Variants in SUGCT observed in about 807,000 individuals in gnomAD.
The protein encoded by SUGCT is succinyl-CoA:glutarate-CoA transferase.
SUGCT carries 41 observed loss-of-function variants against 55.0 expected under a neutral mutation model. The observed-to-expected ratio is 0.74, with a 90% confidence interval of 0.58 to 0.97. SUGCT has a LOEUF of 0.97. Ranked by LOEUF, SUGCT falls within the 50% of genes least tolerant of loss-of-function variation. SUGCT has a pLI of 0.00. For synonymous variants in SUGCT, 187 were observed against 200.4 expected (o/e 0.93, Z 0.56); for missense variants, 568 against 547.8 (o/e 1.04, Z -0.37).
the SUGCT span, among the ~76,000 whole-genome samples, chr7:40,986,861 C>G: frequency 6.6e-6 from 1 of 152,166 alleles, no homozygotes; most frequent in Admixed American, 6.5e-5. Flanking sequence ...TCTGCTAAGT[C>G]AGGATCCTCC....
chr7:40,357,360 T>C (rs1797926984), intron 9 of SUGCT, among the ~76,000 whole-genome samples: 1 of 152,228 alleles, frequency 6.6e-6, no homozygotes, highest in Admixed American at 6.5e-5. Flanking sequence ...TGCCAACATC[T>C]AGCATGATGA....
chr7:41,004,931 G>A, the SUGCT span, among the ~76,000 whole-genome samples: 1 of 152,150 alleles, frequency 6.6e-6, no homozygotes, highest in Non-Finnish European at 1.5e-5. Context: ...TATGTTTATT[G>A]TGACATCGGT....
intron 12 of SUGCT, chr7:40,498,986 AG>A (rs1562819631): frequency 4.7e-6 from 2 of 422,014 alleles, no homozygotes; most frequent in Non-Finnish European, 9.6e-6. Flanking sequence ...TTTCCGTAAA[AG>A]TTTTTTCTAA....
At chr7:40,212,154 G>A (rs536299660) in intron 6 of SUGCT, among the ~76,000 whole-genome samples, 3 of 151,528 alleles carry the variant, frequency 2.0e-5, no homozygotes, top group Non-Finnish European at 2.9e-5. Context: ...GCATGATCGC[G>A]GCTCACTGCA....
chr7:40,742,155 G>A (rs1293033888), intron 12 of SUGCT, among the ~76,000 whole-genome samples: 1 of 152,090 alleles, frequency 6.6e-6, no homozygotes, highest in Admixed American at 6.5e-5. Context: ...ATATGTGTTT[G>A]TGTAAATTAT....
intron 12 of SUGCT, among the ~76,000 whole-genome samples, chr7:40,731,002 A>G (rs1230202655): frequency 6.6e-6 from 1 of 152,204 alleles, no homozygotes; most frequent in Non-Finnish European, 1.5e-5. Flanking sequence ...AAGGAATTTA[A>G]CTTGACTGAA....
rs1794463461 is a variant in SUGCT at position 40,860,720 on chromosome 7, G to T, written c.*241G>T. ...CAGATGATGATTTCATTATGGATTT[G>T]TGGGATTTTTAAAAATAAAGTTTTA... On this transcript the variant is annotated 3_prime_UTR_variant, in exon 14 of 14. Transcript: ENST00000335693. The T allele has an allele frequency of 8.2e-6, 3 of 367,748 alleles. No individual in the cohort carries two copies. Among genetic ancestry groups the T allele is most frequent in the African/African-American group, 2.1e-5 (1 of 47,950 alleles). 22.8% of individuals were successfully genotyped at this position (367,748 alleles called of 1,614,324 possible). A position where few individuals can be genotyped will look rare whatever the true frequency, so the allele number is the denominator to read the frequency against.
At chr7:40,881,366 T>C in the SUGCT span, among the ~76,000 whole-genome samples, 2 of 152,202 alleles carry the variant, frequency 1.3e-5, no homozygotes, top group Non-Finnish European at 2.9e-5. Flanking sequence ...GTTCCATTCA[T>C]TACATGAATA....
intron 6 of SUGCT, among the ~76,000 whole-genome samples, chr7:40,225,639 T>G (rs1359008694): frequency 1.3e-5 from 2 of 152,194 alleles, no homozygotes; most frequent in Non-Finnish European, 1.5e-5. Flanking sequence ...TTTCACCATG[T>G]TGGCCAGGCT....
intron 12 of SUGCT, among the ~76,000 whole-genome samples, chr7:40,557,704 C>T (rs1370027164): frequency 6.7e-6 from 1 of 149,218 alleles, no homozygotes; most frequent in South Asian, 2.1e-4. Context: ...ACCCAGGAGG[C>T]GGAGGTTGCA....
At chr7:40,376,552 C>T (rs377167477) in intron 9 of SUGCT, among the ~76,000 whole-genome samples, 5 of 151,946 alleles carry the variant, frequency 3.3e-5, no homozygotes, top group East Asian at 3.9e-4. Flanking sequence ...CCACCATGCC[C>T]GGCTAATTTT....
At chr7:40,265,916 A>G (rs888100856) in intron 7 of SUGCT, among the ~76,000 whole-genome samples, 8 of 152,088 alleles carry the variant, frequency 5.3e-5, no homozygotes, top group Non-Finnish European at 1.2e-4. Flanking sequence ...ACGCCCCTGC[A>G]CTGCAGCCTG....
intron 9 of SUGCT, among the ~76,000 whole-genome samples, chr7:40,337,964 C>T (rs1405084259): frequency 1.3e-5 from 2 of 152,046 alleles, no homozygotes; most frequent in East Asian, 3.9e-4. Flanking sequence ...AATCTCTCAG[C>T]ATTTGCTTGT....
chr7:40,436,158 G>C (rs1341833836), intron 9 of SUGCT, among the ~76,000 whole-genome samples: 1 of 151,900 alleles, frequency 6.6e-6, no homozygotes, highest in Non-Finnish European at 1.5e-5. Context: ...GGCCAGGCTG[G>C]TCTCAAACTC....
intron 11 of SUGCT, among the ~76,000 whole-genome samples, chr7:40,462,959 T>C (rs542883948): frequency 2.0e-5 from 3 of 152,336 alleles, no homozygotes; most frequent in South Asian, 4.1e-4. Flanking sequence ...TACTCATTTA[T>C]TGTACTTTTT....
chr7:40,297,625 A>G (rs868752667), intron 8 of SUGCT, among the ~76,000 whole-genome samples: 1 of 152,194 alleles, frequency 6.6e-6, no homozygotes, highest in South Asian at 2.1e-4. Flanking sequence ...TTAGCATTAA[A>G]TTGGTGAAAA....
chr7:40,402,672 C>T (rs1186174788), intron 9 of SUGCT, among the ~76,000 whole-genome samples: 2 of 151,822 alleles, frequency 1.3e-5, no homozygotes, highest in Non-Finnish European at 1.5e-5. Flanking sequence ...GAATGGGAAT[C>T]CATGTATGTA....
chr7:40,517,645 T>C (rs907491429), intron 12 of SUGCT, among the ~76,000 whole-genome samples: 1 of 152,118 alleles, frequency 6.6e-6, no homozygotes, highest in African/African-American at 2.4e-5. Context: ...GGGCCTAGTA[T>C]TGATGTTCTT....
At chr7:40,417,374 T>C (rs1787061610) in intron 9 of SUGCT, among the ~76,000 whole-genome samples, 1 of 151,970 alleles carries the variant, frequency 6.6e-6, no homozygotes, top group African/African-American at 2.4e-5. Context: ...TTTATCTATA[T>C]CCTAATGTTT....
Sources: allele counts gnomAD v4.1 joint callset (sites outside exome capture counted in the v4.1 genomes callset), GRCh38; gene constraint gnomAD v4.1.1; transcripts MANE v1.5; gene names NCBI Gene and HGNC (gene_info 2026-07-23, HGNC 2026-07-21).